NELL1: variants seen among roughly 807,000 people sequenced by gnomAD.
NELL1 encodes protein kinase C-binding protein NELL1.
Under a neutral mutation model 107.4 loss-of-function variants are expected in NELL1, and 76 were observed. That is an observed-to-expected ratio of 0.71 (90% CI 0.59 to 0.86). The LOEUF is 0.86. NELL1 is among the 40% of genes least tolerant of loss of function. The pLI, the probability that NELL1 is intolerant of heterozygous loss-of-function variation, is 0.00. For synonymous variants in NELL1, 353 were observed against 341.2 expected, an observed-to-expected ratio of 1.03 and a Z score of -0.38; for missense variants, 1,024 against 1,005.5, an observed-to-expected ratio of 1.02 and a Z score of -0.25.
rs1226577678 is a variant in NELL1, at chr11:21,022,317, AC to A, written c.1300+61760del. 2.6e-5 allele frequency among the ~76,000 whole-genome samples: 4 copies of A among 151,984 alleles called. No individual in the cohort carries two copies. In the East Asian group the frequency reaches 5.8e-4, roughly 22 times the overall value. On this transcript the variant is annotated intron_variant, in intron 12 of 19. Coordinates refer to ENST00000357134, the MANE Select transcript of NELL1 (RefSeq NM_006157.5). The stretch of plus-strand genomic sequence containing the variant: ...TTGTACCACCAAAATTATTAACAGA[AC>A]CCTGTTTCACTTTCAAACTCTACTG...
intron 15 of NELL1, among the ~76,000 whole-genome samples, chr11:21,453,882 G>A (rs1467475641): frequency 6.9e-6 from 1 of 144,302 alleles, no homozygotes; most frequent in African/African-American, 2.5e-5. Flanking sequence ...ACATTAAACT[G>A]TTTTAGATTT....
At chr11:20,727,256 C>T (rs1306099655) in intron 2 of NELL1, among the ~76,000 whole-genome samples, 1 of 152,172 alleles carries the variant, frequency 6.6e-6, no homozygotes, top group Non-Finnish European at 1.5e-5. Context: ...TCTCCAGCAC[C>T]TGTTGTTTCC....
At chr11:21,425,468 C>T (rs974111040) in intron 15 of NELL1, among the ~76,000 whole-genome samples, 27 of 152,042 alleles carry the variant, frequency 1.8e-4, no homozygotes, top group Non-Finnish European at 3.7e-4. Flanking sequence ...TCAGGGTGGA[C>T]CTAATGTAAT....
intron 5 of NELL1, among the ~76,000 whole-genome samples, chr11:20,889,841 C>T (rs544355271): frequency 1.6e-3 from 246 of 152,294 alleles, no homozygotes; most frequent in African/African-American, 5.4e-3. Flanking sequence ...GACTCAGGGA[C>T]AGAATTCGGA....
chr11:20,865,931 TCTGG>T (rs1849087098), intron 4 of NELL1, among the ~76,000 whole-genome samples: 1 of 152,180 alleles, frequency 6.6e-6, no homozygotes, highest in Admixed American at 6.5e-5. Context: ...TGGCTCACTC[TCTGG>T]CTTCACCACT....
At chr11:21,490,177 G>A (rs766106810) in intron 15 of NELL1, among the ~76,000 whole-genome samples, 3 of 151,700 alleles carry the variant, frequency 2.0e-5, no homozygotes, top group Non-Finnish European at 4.4e-5. Flanking sequence ...AATCAAGAAA[G>A]CAATTTTATT....
Position 21,480,007 on chromosome 11 carries a change from G to A in NELL1, c.1646-54367G>A, listed in dbSNP as rs78183674. Among the ~76,000 whole-genome samples, 859 of 152,130 alleles carry A rather than the reference G, an allele frequency of 5.6e-3. 11 individuals carry two copies. Among genetic ancestry groups the A allele is most frequent in the African/African-American group, 0.02 (822 of 41,504 alleles). On this transcript the variant is annotated intron_variant, in intron 15 of 19. Transcript: ENST00000357134. The stretch of plus-strand genomic sequence containing the variant: ...TCTACTTTCCTTTCCCTGACTAGTA[G>A]TCTTCTTATCAAGCTCTCTTTCTCT...
At chr11:20,734,410 C>A (rs1268550685) in intron 2 of NELL1, among the ~76,000 whole-genome samples, 3 of 152,096 alleles carry the variant, frequency 2.0e-5, no homozygotes, top group East Asian at 3.9e-4. Context: ...CTAGAGAGAC[C>A]AGATAGGAGG....
chr11:20,984,237 C>A (rs1279521590), intron 12 of NELL1, among the ~76,000 whole-genome samples: 1 of 152,112 alleles, frequency 6.6e-6, no homozygotes, highest in African/African-American at 2.4e-5. Context: ...ATCTCTAGCA[C>A]CTAATAAACT....
intron 15 of NELL1, among the ~76,000 whole-genome samples, chr11:21,372,052 C>A (rs1465347717): frequency 1.3e-5 from 2 of 151,884 alleles, no homozygotes; most frequent in Non-Finnish European, 2.9e-5. Context: ...ATATTTGCAC[C>A]ACTGTTTCTA....
intron 12 of NELL1, among the ~76,000 whole-genome samples, chr11:21,086,548 T>A (rs1590623267): frequency 6.6e-6 from 1 of 152,204 alleles, no homozygotes; most frequent in East Asian, 1.9e-4. Context: ...AATCACCTAT[T>A]GGCTTCTGTC....
chr11:21,506,343 C>T (rs1009040839), intron 15 of NELL1, among the ~76,000 whole-genome samples: 114 of 152,296 alleles, frequency 7.5e-4, no homozygotes, highest in African/African-American at 2.6e-3. Context: ...ACAGGCTTAC[C>T]ACTGCCCCAA....
chr11:21,100,142 G>A (rs570930597), intron 12 of NELL1, among the ~76,000 whole-genome samples: 53 of 151,840 alleles, frequency 3.5e-4, no homozygotes, highest in African/African-American at 1.2e-3. Context: ...TCAGACTCCT[G>A]AATAGCTGGG....
At chr11:21,157,346 T>A (rs975752353) in intron 13 of NELL1, among the ~76,000 whole-genome samples, 1 of 152,126 alleles carries the variant, frequency 6.6e-6, no homozygotes, top group Non-Finnish European at 1.5e-5. Flanking sequence ...ACATGTAGTA[T>A]TAGATATATT....
chr11:20,919,687 A>G (rs1451084165), intron 7 of NELL1, among the ~76,000 whole-genome samples: 3 of 152,136 alleles, frequency 2.0e-5, no homozygotes, highest in African/African-American at 4.8e-5. Flanking sequence ...AAGCTAATGC[A>G]TTTTGGATGT....
At chr11:20,994,035 A>G (rs1385166217) in intron 12 of NELL1, among the ~76,000 whole-genome samples, 1 of 152,240 alleles carries the variant, frequency 6.6e-6, no homozygotes, top group Non-Finnish European at 1.5e-5. Context: ...TAATCATGTA[A>G]TCCCTATCTA....
At chr11:20,669,552 G>A (rs1332571063), upstream of NELL1, 2 of 301,126 alleles carry the variant, frequency 6.6e-6, no homozygotes, top group East Asian at 6.6e-5. The surrounding 1 kb of genome is among the most constrained non-coding windows in gnomAD (Gnocchi z 4.4). Flanking sequence ...GGGGCGGCCG[G>A]GGCTGCCTTC....
intron 15 of NELL1, among the ~76,000 whole-genome samples, chr11:21,517,693 T>C (rs1175757536): frequency 6.6e-6 from 1 of 152,182 alleles, no homozygotes; most frequent in Non-Finnish European, 1.5e-5. Flanking sequence ...AGAGTTGTTT[T>C]TCCATGGGCA....
chr11:21,313,887 G>C (rs185513117), intron 14 of NELL1, among the ~76,000 whole-genome samples: 1 of 151,798 alleles, frequency 6.6e-6, no homozygotes, highest in Non-Finnish European at 1.5e-5. Flanking sequence ...CATCATGGCA[G>C]TGGATATCTT....
Sources: gnomAD v4.1 joint callset for allele counts (sites outside exome capture counted in the v4.1 genomes callset) on GRCh38, gnomAD v4.1.1 for gene constraint, Gnocchi (gnomAD v3.1) non-coding constraint, MANE v1.5 for transcripts, NCBI Gene and HGNC (gene_info 2026-07-23, HGNC 2026-07-21) for gene names.